The following NUCB2 variants were observed in gnomAD, a reference collection of about 807,000 sequenced individuals.
The protein encoded by NUCB2 is nucleobindin 2.
NUCB2 carries 48 observed loss-of-function variants against 57.9 expected under a neutral mutation model. The observed-to-expected ratio is 0.83, with a 90% confidence interval of 0.66 to 1.05. The LOEUF (loss-of-function observed/expected upper bound fraction) is 1.05. NUCB2 is among the 50% of genes least tolerant of loss of function. NUCB2 has a pLI of 0.00. For missense variants in NUCB2, 442 were observed against 476.2 expected, an observed-to-expected ratio of 0.93 and a Z score of 0.67; for synonymous variants, 139 against 152.1, an observed-to-expected ratio of 0.91 and a Z score of 0.64.
At chr11:17,282,244 A>ATCTGTC (rs1555062099) in intron 1 of NUCB2, among the ~76,000 whole-genome samples, 12 of 102,418 alleles carry the variant, frequency 1.2e-4, no homozygotes, top group African/African-American at 4.7e-4. Context: ...ATCTATATAT[A>ATCTGTC]TATATATATA....
chr11:17,285,013 C>T (rs1943385256), intron 2 of NUCB2, among the ~76,000 whole-genome samples: 1 of 114,392 alleles, frequency 8.7e-6, no homozygotes, highest in Non-Finnish European at 1.8e-5. Flanking sequence ...AACAAAGTCT[C>T]AATACATACA....
intron 11 of NUCB2, among the ~76,000 whole-genome samples, chr11:17,328,294 A>G (rs1430452952): frequency 6.6e-6 from 1 of 152,152 alleles, no homozygotes; most frequent in Non-Finnish European, 1.5e-5. Context: ...GTGGTGATGC[A>G]AGTACCTTTA....
At chr11:17,312,400 C>G (rs1948620857) in intron 10 of NUCB2, among the ~76,000 whole-genome samples, 1 of 145,900 alleles carries the variant, frequency 6.9e-6, no homozygotes, top group African/African-American at 2.5e-5. Context: ...CCATGCCTAC[C>G]TAATATTTTT....
At chr11:17,318,905 G>A (rs1252551207) in intron 11 of NUCB2, among the ~76,000 whole-genome samples, 1 of 152,188 alleles carries the variant, frequency 6.6e-6, no homozygotes, top group Non-Finnish European at 1.5e-5. Context: ...AGCTGGGCAC[G>A]GTGGTGCCTA....
rs190635995 is a variant in NUCB2, at chr11:17,326,435, C to G, written c.1003-3692C>G. ...TGGGTTCAAGCGATTCTCCTGCCTC[C>G]CCCTCCCGAGTAGCTGGGATTACAG... On this transcript the variant is annotated intron_variant, in intron 11 of 13. Transcript: ENST00000529010. 6.0e-5 allele frequency among the ~76,000 whole-genome samples: 9 copies of G among 150,718 alleles called. No individual in the cohort carries two copies. The East Asian group carries it at 1.6e-3, about 26-fold the overall frequency.
At chr11:17,340,997 T>C (rs1180230721) in intron 2 of NUCB2, among the ~76,000 whole-genome samples, 1 of 152,220 alleles carries the variant, frequency 6.6e-6, no homozygotes, top group African/African-American at 2.4e-5. Context: ...TTTTATTTCA[T>C]TGAGCAGTGG....
At position 17,330,806 on chromosome 11, in the gene NUCB2, A is replaced by G. The variant is rs1951300207; in HGVS notation, c.1174-96A>G. On this transcript the variant is annotated intron_variant, in intron 12 of 13. Coordinates refer to ENST00000529010, the MANE Select transcript of NUCB2 (RefSeq NM_005013.4). The surrounding 1 kb of genome is among the most constrained non-coding windows in gnomAD (Gnocchi z 4.3). ...TATAGTTTGAATATCTTTGTTTTAGAAAACAATTTTCATTTACTTTGTTGT... is the reference window on the plus strand; with the variant it reads ...TATAGTTTGAATATCTTTGTTTTAGGAAACAATTTTCATTTACTTTGTTGT... The G allele has an allele frequency of 2.5e-6, 2 of 811,728 alleles. No homozygotes were observed. The highest frequency in any genetic ancestry group is 2.1e-5 in the Admixed American group (1 of 47,962). The allele number at this position is 811,728 out of a possible 1,614,324, so 50.3% of individuals were successfully genotyped here. A position where few individuals can be genotyped will look rare whatever the true frequency, so the allele number is the denominator to read the frequency against.
chr11:17,289,599 G>A (rs1193531413), intron 2 of NUCB2, among the ~76,000 whole-genome samples: 1 of 152,054 alleles, frequency 6.6e-6, no homozygotes, highest in African/African-American at 2.4e-5. Context: ...TCTTCCTTTA[G>A]CTCAGCCACC....
At position 17,295,449 on chromosome 11, in the gene NUCB2, T is replaced by G; in HGVS notation, c.126T>G (p.Ser42Arg). ...TACAAAATATTCACCCTGTGGAAAGTGCGAAGATAGAACCACCAGTAAGTG... is the reference window on the plus strand; with the variant it reads ...TACAAAATATTCACCCTGTGGAAAGGGCGAAGATAGAACCACCAGTAAGTG... ...TKVQNIHPVE[S>R]AKIEPPDTGL... is the part of the protein sequence containing the mutation. Residue 42 changes from serine to arginine, a missense_variant, in exon 3 of 14, where the codon AGT (serine) becomes AGG (arginine). Coordinates refer to ENST00000529010, the MANE Select transcript of NUCB2 (RefSeq NM_005013.4). 1 of 1,611,396 alleles carries G rather than the reference T, an allele frequency of 6.2e-7. No homozygotes were observed. The highest frequency in any genetic ancestry group is 8.5e-7 in the Non-Finnish European group (1 of 1,179,154).
Position 17,293,114 on chromosome 11 carries a change from C to T in NUCB2, c.1-2210C>T, listed in dbSNP as rs111589954. ...ACCAAAAATACAAAAATTAGCTGGG[C>T]GTGGTGGTGGGTACCTGTAGTCCCA... On this transcript the variant is annotated intron_variant, in intron 2 of 13. Transcript: ENST00000529010. Among the ~76,000 whole-genome samples the T allele has an allele frequency of 4.0e-4, 61 of 151,858 alleles. 1 individual carries two copies. The highest frequency in any genetic ancestry group is 1.4e-3 in the African/African-American group (58 of 41,424).
In NUCB2 at chr11:17,332,113, G is replaced by C. The variant is rs575939302; in HGVS notation, c.*694G>C. On this transcript the variant is annotated 3_prime_UTR_variant, in exon 14 of 14. Transcript: ENST00000529010. Reference sequence around the variant, plus strand: ...TTCTTCTTACATAAGTCTAGAAGTAGGTGGTGTCCAGGTTCCTATCTTTCT... The same window carrying C: ...TTCTTCTTACATAAGTCTAGAAGTACGTGGTGTCCAGGTTCCTATCTTTCT... 6.6e-6 allele frequency: 1 copy of C among 152,308 alleles called. No individual in the cohort carries two copies. Among genetic ancestry groups the C allele is most frequent in the African/African-American group, 2.4e-5 (1 of 41,572 alleles). 9.4% of individuals were successfully genotyped at this position (152,308 alleles called of 1,614,324 possible).
intron 2 of NUCB2, among the ~76,000 whole-genome samples, chr11:17,284,121 G>A (rs1943209360): frequency 6.6e-6 from 1 of 152,014 alleles, no homozygotes; most frequent in Non-Finnish European, 1.5e-5. Flanking sequence ...ATGTTCAAGC[G>A]ATTCTCCTGC....
intron 2 of NUCB2, among the ~76,000 whole-genome samples, chr11:17,338,240 G>T (rs568943100): frequency 3.3e-5 from 5 of 152,140 alleles, no homozygotes; most frequent in African/African-American, 9.6e-5. Flanking sequence ...ATCAAATTAT[G>T]TAGACAAACA....
rs370686689 is a variant in NUCB2 at position 17,282,236 on chromosome 11, C to CTATCTATATA, written c.-155-550_-155-549insCTATATATAT. ...TATCTATATCTATCTATCTATCTATCTATATATATATATATATATATATTT... is the reference window on the plus strand; with the variant it reads ...TATCTATATCTATCTATCTATCTATCTATCTATATATATATATATATATATATATATATTT... On this transcript the variant is annotated intron_variant, in intron 1 of 13. Transcript: ENST00000529010. Among the ~76,000 whole-genome samples, 613 of 103,884 alleles carry CTATCTATATA rather than the reference C, an allele frequency of 5.9e-3. 4 individuals are homozygous for CTATCTATATA. Among genetic ancestry groups the CTATCTATATA allele is most frequent in the Non-Finnish European group, 0.011 (521 of 47,418 alleles). The allele number at this position is 103,884 out of a possible 152,430, so 68.2% of individuals were successfully genotyped here.
chr11:17,295,884 G>A (rs1054597558), intron 3 of NUCB2, among the ~76,000 whole-genome samples: 7 of 152,078 alleles, frequency 4.6e-5, no homozygotes, highest in South Asian at 2.1e-4. Context: ...AGAGAGTGTC[G>A]TAAAAAAGAA....
At chr11:17,296,893 G>C (rs902366794) in intron 4 of NUCB2, among the ~76,000 whole-genome samples, 11 of 152,132 alleles carry the variant, frequency 7.2e-5, no homozygotes, top group African/African-American at 2.7e-4. Context: ...TGAGGTCCTG[G>C]TGTTTTAATC....
At chr11:17,292,769 A>G (rs980247675) in intron 2 of NUCB2, among the ~76,000 whole-genome samples, 1 of 152,230 alleles carries the variant, frequency 6.6e-6, no homozygotes, top group Non-Finnish European at 1.5e-5. Context: ...TCACAGAGTC[A>G]TTGTAAGAGT....
intron 1 of NUCB2, among the ~76,000 whole-genome samples, chr11:17,280,241 G>T (rs1471220395): frequency 6.6e-6 from 1 of 152,110 alleles, no homozygotes; most frequent in African/African-American, 2.4e-5. Flanking sequence ...CCAATCCGTT[G>T]TTAAGACTGG....
At chr11:17,323,883 G>A (rs1950334993) in intron 11 of NUCB2, among the ~76,000 whole-genome samples, 1 of 152,116 alleles carries the variant, frequency 6.6e-6, no homozygotes, top group Admixed American at 6.6e-5. Context: ...AGCCATTAAG[G>A]ATCCATTGAA....
Sources: gnomAD v4.1 joint callset for allele counts (sites outside exome capture counted in the v4.1 genomes callset) on GRCh38, gnomAD v4.1.1 for gene constraint, Gnocchi (gnomAD v3.1) non-coding constraint, MANE v1.5 for transcripts, NCBI Gene and HGNC (gene_info 2026-07-23, HGNC 2026-07-21) for gene names.